The following EYS variants were observed in gnomAD, a reference collection of about 807,000 sequenced individuals.
EYS encodes protein eyes shut homolog.
Under a neutral mutation model 282.1 loss-of-function variants are expected in EYS, and 250 were observed. The observed-to-expected ratio is 0.89, with a 90% confidence interval of 0.80 to 0.98. The LOEUF is 0.98. Among genes scored for constraint, EYS ranks in the 50% least tolerant of loss-of-function variants. The pLI, the probability that EYS is intolerant of heterozygous loss-of-function variation, is 0.00. For synonymous variants in EYS, 1,355 were observed against 1,282.9 expected (o/e 1.06, Z -1.20); for missense variants, 4,016 against 3,709.0 (o/e 1.08, Z -2.15).
At chr6:65,339,152 C>T (rs533167475) in intron 10 of EYS, among the ~76,000 whole-genome samples, 34 of 150,964 alleles carry the variant, frequency 2.3e-4, no homozygotes, top group East Asian at 1.4e-3. Flanking sequence ...AATCATGATA[C>T]GTAGAAAGCT....
At chr6:64,940,068 A>T (rs113462892) in intron 15 of EYS, among the ~76,000 whole-genome samples, 1 of 151,992 alleles carries the variant, frequency 6.6e-6, no homozygotes, top group Non-Finnish European at 1.5e-5. Context: ...GGTAAGACTT[A>T]CCATAAACCT....
intron 31 of EYS, among the ~76,000 whole-genome samples, chr6:64,140,692 T>A (rs1348259730): frequency 6.6e-6 from 1 of 152,164 alleles, no homozygotes; most frequent in Non-Finnish European, 1.5e-5. Context: ...CAGTCCTTTC[T>A]ACACAGCTGG....
At chr6:64,198,159 G>C (rs1484053838) in intron 31 of EYS, among the ~76,000 whole-genome samples, 1 of 137,130 alleles carries the variant, frequency 7.3e-6, no homozygotes, top group Non-Finnish European at 1.6e-5. Flanking sequence ...CGGCCGGCCC[G>C]GCTAATTTTT....
At chr6:65,520,523 A>G (rs1562238110) in intron 2 of EYS, among the ~76,000 whole-genome samples, 1 of 152,138 alleles carries the variant, frequency 6.6e-6, no homozygotes, top group African/African-American at 2.4e-5. Context: ...AAACATGAGA[A>G]GTAAAAATGT....
chr6:65,251,039 GAAAA>G (rs61504367), intron 12 of EYS, among the ~76,000 whole-genome samples: 1 of 88,816 alleles, frequency 1.1e-5, no homozygotes, highest in African/African-American at 3.8e-5. Flanking sequence ...AATAACAACA[GAAAA>G]AAAAAAAAAA....
At chr6:64,812,840 T>G (rs1764637699) in intron 22 of EYS, among the ~76,000 whole-genome samples, 1 of 152,020 alleles carries the variant, frequency 6.6e-6, no homozygotes, top group South Asian at 2.1e-4. Context: ...GGATATATTA[T>G]ATAATCAGAA....
chr6:63,986,745 A>G lies in EYS; in HGVS notation c.6835-2142T>C, dbSNP rs118141178. On this transcript the variant is annotated intron_variant, in intron 34 of 42. Transcript: ENST00000503581. ...TAAATGATGGGAGCTTATGAACACA[A>G]AGAAGGAAACAACAGACACTGGGGT... 1.6e-3 allele frequency among the ~76,000 whole-genome samples: 246 copies of G among 151,714 alleles called. 2 individuals carry two copies. In the East Asian group the frequency reaches 0.036, roughly 22 times the overall value.
chr6:64,513,726 A>G (rs1777475863), intron 26 of EYS, among the ~76,000 whole-genome samples: 1 of 151,900 alleles, frequency 6.6e-6, no homozygotes, highest in South Asian at 2.1e-4. Flanking sequence ...TAAATGTATT[A>G]ACTCAGTGAA....
At chr6:65,007,764 C>T (rs537526537) in intron 13 of EYS, among the ~76,000 whole-genome samples, 25 of 152,230 alleles carry the variant, frequency 1.6e-4, no homozygotes, top group Admixed American at 1.2e-3. Flanking sequence ...GAGGAGAATT[C>T]GGCCCAGCCA....
chr6:65,042,514 T>A (rs914647151), intron 13 of EYS, among the ~76,000 whole-genome samples: 1 of 151,540 alleles, frequency 6.6e-6, no homozygotes, highest in Non-Finnish European at 1.5e-5. Context: ...AATTTTTTTT[T>A]ACTTGTTGCT....
In EYS at chr6:64,415,181, C is replaced by T. The variant is rs1011068206; in HGVS notation, c.5927+20993G>A. Among the ~76,000 whole-genome samples the T allele has an allele frequency of 3.3e-5, 5 of 152,168 alleles. 1 individual carries two copies. Among genetic ancestry groups the T allele is most frequent in the African/African-American group, 4.8e-5 (2 of 41,454 alleles). On this transcript the variant is annotated intron_variant, in intron 28 of 42. Transcript: ENST00000503581. Reference sequence around the variant, plus strand: ...AACAACTACACTAAATGGATTGTAGCACCTTTAGCATCTGGTGGCAACCTT... The same window carrying T: ...AACAACTACACTAAATGGATTGTAGTACCTTTAGCATCTGGTGGCAACCTT...
intron 35 of EYS, among the ~76,000 whole-genome samples, chr6:63,978,309 A>C (rs1015846023): frequency 1.3e-5 from 2 of 151,972 alleles, no homozygotes; most frequent in African/African-American, 4.8e-5. Flanking sequence ...AGGGCTGCCC[A>C]CAGTGGGAGA....
At chr6:64,366,191 C>T (rs922881578) in intron 29 of EYS, among the ~76,000 whole-genome samples, 5 of 151,948 alleles carry the variant, frequency 3.3e-5, no homozygotes, top group Admixed American at 2.6e-4. Context: ...GACTCAGTGA[C>T]AGCATTATGA....
intron 5 of EYS, among the ~76,000 whole-genome samples, chr6:65,478,998 T>C (rs1179255874): frequency 1.3e-5 from 2 of 151,988 alleles, no homozygotes; most frequent in African/African-American, 4.8e-5. Flanking sequence ...CGAAATTATC[T>C]AATCTGTAGA....
chr6:64,919,535 C>A (rs1440011515), intron 15 of EYS, among the ~76,000 whole-genome samples: 8 of 149,518 alleles, frequency 5.4e-5, no homozygotes, highest in African/African-American at 2.0e-4. Context: ...CATCAAGCAT[C>A]ATTTCATATA....
intron 2 of EYS, among the ~76,000 whole-genome samples, chr6:65,506,456 CTTTCTTTTTTTTTTTTTTTTTTT>C (rs1766658443): frequency 2.2e-5 from 2 of 89,488 alleles, no homozygotes; most frequent in East Asian, 5.9e-4. Flanking sequence ...TCCTTCCTTC[CTTTCTTTTTTTTTTTTTTTTTTT>C]TTTTTTTTTT....
At position 65,330,114 on chromosome 6, in the gene EYS, G is replaced by C. The variant is rs1011729002; in HGVS notation, c.1766+4866C>G. The C allele has an allele frequency of 5.1e-6, 5 of 980,390 alleles. No homozygotes were observed. In the African/African-American group the frequency reaches 8.8e-5, roughly 17 times the overall value. The allele number at this position is 980,390 out of a possible 1,614,324, so 60.7% of individuals were successfully genotyped here. A position where few individuals can be genotyped will look rare whatever the true frequency, so the allele number is the denominator to read the frequency against. On this transcript the variant is annotated intron_variant, in intron 11 of 42. Coordinates refer to ENST00000503581, the MANE Select transcript of EYS (RefSeq NM_001142800.2). ...ATAATTACTTTAGTACTTTAAAAAT[G>C]TGTTCACTTTCTAAATGAAACAGAA...
At chr6:63,965,172 TGTATTTATCCTTTATAGG>T (rs1303119824) in intron 35 of EYS, among the ~76,000 whole-genome samples, 10 of 152,232 alleles carry the variant, frequency 6.6e-5, no homozygotes, top group Non-Finnish European at 1.0e-4. Flanking sequence ...TTTCTATTTT[TGTATTTATCCTTTATAGG>T]GTAGAATTCT....
At chr6:64,056,532 C>T (rs1770991099) in intron 33 of EYS, among the ~76,000 whole-genome samples, 1 of 152,150 alleles carries the variant, frequency 6.6e-6, no homozygotes. Context: ...AACTGTGTTT[C>T]TATTACTTTC....
Sources: gnomAD v4.1 joint callset for allele counts (sites outside exome capture counted in the v4.1 genomes callset) on GRCh38, gnomAD v4.1.1 for gene constraint, MANE v1.5 for transcripts, NCBI Gene and HGNC (gene_info 2026-07-23, HGNC 2026-07-21) for gene names.